Variants in METTL15 observed in about 807,000 individuals in gnomAD.
METTL15 encodes the protein 12S rRNA N(4)-cytidine methyltransferase METTL15.
In METTL15, 34 loss-of-function variants were observed where a neutral mutation model predicts 38.3. The ratio of observed to expected loss-of-function variants is 0.89; its 90% CI spans 0.68 to 1.18. The LOEUF is 1.18. Among genes scored for constraint, METTL15 ranks in the 50% most tolerant of loss-of-function variants. The pLI is 0.00. For missense variants in METTL15, 438 were observed against 498.4 expected, an observed-to-expected ratio of 0.88 and a Z score of 1.15; for synonymous variants, 162 against 170.9, an observed-to-expected ratio of 0.95 and a Z score of 0.41.
At chr11:28,274,953 A>ATG (rs1855785341) in intron 4 of METTL15, among the ~76,000 whole-genome samples, 3 of 151,482 alleles carry the variant, frequency 2.0e-5, no homozygotes, top group African/African-American at 7.2e-5. Flanking sequence ...ATATATATAT[A>ATG]ATTAAAGAAT....
At chr11:28,527,002 G>A (rs1851816831) in exon 8 of METTL15, 1 of 145,982 alleles carries the variant, frequency 6.9e-6, no homozygotes, top group South Asian at 2.1e-4. Context: ...AGCAGATGTG[G>A]ATTTTTTTTT....
At chr11:28,170,386 T>C (rs1423512826) in intron 3 of METTL15, among the ~76,000 whole-genome samples, 3 of 152,050 alleles carry the variant, frequency 2.0e-5, no homozygotes. Context: ...GGGATCTCAA[T>C]CCAGACCCCA....
chr11:28,529,179 C>T (rs1299933022), downstream of METTL15, among the ~76,000 whole-genome samples: 1 of 152,110 alleles, frequency 6.6e-6, no homozygotes, highest in Non-Finnish European at 1.5e-5. Context: ...CGACATGTCT[C>T]AGAAATCACA....
At chr11:28,244,025 G>A (rs1431314512) in intron 4 of METTL15, among the ~76,000 whole-genome samples, 1 of 152,126 alleles carries the variant, frequency 6.6e-6, no homozygotes, top group Non-Finnish European at 1.5e-5. Context: ...GGGACAGCTA[G>A]CTCAAAACAG....
intron 6 of METTL15, among the ~76,000 whole-genome samples, chr11:28,488,264 C>T (rs1851453932): frequency 6.6e-6 from 1 of 152,072 alleles, no homozygotes; most frequent in South Asian, 2.1e-4. Context: ...AAATTAAGCA[C>T]ACTTCATGAG....
intron 6 of METTL15, among the ~76,000 whole-genome samples, chr11:28,434,313 G>A (rs7947768): frequency 0.42 from 64,251 of 152,026 alleles, 14,983 homozygotes; most frequent in Admixed American, 0.54. Context: ...GCTGAACTGT[G>A]AGTCAATTAA....
At chr11:28,245,464 A>G (rs79725222) in intron 4 of METTL15, among the ~76,000 whole-genome samples, 4,129 of 152,218 alleles carry the variant, frequency 0.027, 182 homozygotes, top group African/African-American at 0.093. Context: ...TCATATCTTT[A>G]CAAAGCTTGA....
intron 3 of METTL15, among the ~76,000 whole-genome samples, chr11:28,124,309 A>G (rs927785301): frequency 2.6e-5 from 4 of 152,096 alleles, no homozygotes; most frequent in Non-Finnish European, 5.9e-5. Flanking sequence ...TTACTAGAGA[A>G]TAGATCACTA....
Position 28,330,291 on chromosome 11 carries a change from C to T in METTL15, c.779-105C>T, listed in dbSNP as rs1429498549. 5.0e-5 allele frequency: 51 copies of T among 1,022,222 alleles called. 2 individuals carry two copies. In the South Asian group the frequency reaches 8.6e-4, roughly 17 times the overall value. The allele number at this position is 1,022,222 out of a possible 1,614,324, so 63.3% of individuals were successfully genotyped here. ...GTGCCACCACAATTTTCTAAGAAAA[C>T]TTAGTTCACTAAATATGCACACAAC... On this transcript the variant is annotated intron_variant, in intron 6 of 6. Transcript: ENST00000407364.
chr11:28,426,410 A>G, intron 6 of METTL15, among the ~76,000 whole-genome samples: 1 of 152,008 alleles, frequency 6.6e-6, no homozygotes, highest in East Asian at 1.9e-4. Flanking sequence ...TTTATAATAG[A>G]ATGATTTATA....
At chr11:28,113,198 G>A in intron 2 of METTL15, 120 bp from the exon 3 acceptor site, 1 of 654,300 alleles carries the variant, frequency 1.5e-6, no homozygotes, top group Non-Finnish European at 2.6e-6. Context: ...AAGATGTTAG[G>A]ATCATGAGTC....
At position 28,253,422 on chromosome 11, in the gene METTL15, C is replaced by T. The variant is rs923549591; in HGVS notation, c.408-36784C>T. Among the ~76,000 whole-genome samples the T allele has an allele frequency of 6.7e-4, 102 of 152,198 alleles. 1 individual carries two copies. Among genetic ancestry groups the T allele is most frequent in the African/African-American group, 2.2e-3 (92 of 41,538 alleles). ...AGTACATCGTGGAGAATGGGGTATG[C>T]GTCCCCTCAAGCATTTATTCTTTGA... On this transcript the variant is annotated intron_variant, in intron 4 of 6. Transcript: ENST00000407364.
chr11:28,200,023 G>T (rs545895472), intron 3 of METTL15, among the ~76,000 whole-genome samples: 2 of 152,044 alleles, frequency 1.3e-5, no homozygotes, highest in Non-Finnish European at 2.9e-5. Flanking sequence ...TTTTTAAAGG[G>T]TTTATCATAG....
At chr11:28,346,414 AG>A (rs1204977761) in intron 3 of METTL15, among the ~76,000 whole-genome samples, 2 of 152,200 alleles carry the variant, frequency 1.3e-5, no homozygotes, top group Non-Finnish European at 2.9e-5. Flanking sequence ...AAATGCAATG[AG>A]TCATATTTTA....
At position 28,318,428 on chromosome 11, in the gene METTL15, T is replaced by G. The variant is rs907782903; in HGVS notation, c.779-11968T>G. Among the ~76,000 whole-genome samples the G allele has an allele frequency of 7.2e-5, 11 of 152,004 alleles. No homozygotes were observed. In the South Asian group the frequency reaches 1.9e-3, roughly 26 times the overall value. On this transcript the variant is annotated intron_variant, in intron 6 of 6. Coordinates refer to ENST00000407364, the MANE Select transcript of METTL15 (RefSeq NM_001113528.2). ...AAGACAGCACATTAGTGAGTATTAA[T>G]TGATGTAAAGTACAAGAAGAGGGAG... is the stretch of plus-strand genomic sequence containing the variant.
intron 6 of METTL15, among the ~76,000 whole-genome samples, chr11:28,313,581 C>G (rs1857379878): frequency 6.6e-6 from 1 of 151,900 alleles, no homozygotes; most frequent in Middle Eastern, 3.5e-3. Flanking sequence ...TACCATTGTA[C>G]AACTATAACA....
chr11:28,269,527 C>T (rs934427220), intron 4 of METTL15, among the ~76,000 whole-genome samples: 9 of 151,936 alleles, frequency 5.9e-5, no homozygotes, highest in African/African-American at 1.5e-4. Context: ...TTTATGGAAA[C>T]GAATTAACTG....
At chr11:28,401,535 T>C (rs1055874059) in intron 5 of METTL15, among the ~76,000 whole-genome samples, 10 of 151,980 alleles carry the variant, frequency 6.6e-5, no homozygotes, top group African/African-American at 2.4e-4. Flanking sequence ...TCTCATGTAT[T>C]TAACTTTTTT....
Position 28,308,819 on chromosome 11 carries a change from T to G in METTL15, c.778+11888T>G, listed in dbSNP as rs111792288. On this transcript the variant is annotated intron_variant, in intron 6 of 6. Transcript: ENST00000407364. ...CCATATGTGAGGCTGCATTGAAACTTCTTCATCACTAAAGTGTCTCCCCTT... is the reference window on the plus strand; with the variant it reads ...CCATATGTGAGGCTGCATTGAAACTGCTTCATCACTAAAGTGTCTCCCCTT... 6.6e-5 allele frequency among the ~76,000 whole-genome samples: 10 copies of G among 152,172 alleles called. 1 individual carries two copies. Among genetic ancestry groups the G allele is most frequent in the African/African-American group, 2.4e-4 (10 of 41,530 alleles).
Sources: gnomAD v4.1 joint callset for allele counts (sites outside exome capture counted in the v4.1 genomes callset) on GRCh38, gnomAD v4.1.1 for gene constraint, MANE v1.5 for transcripts, NCBI Gene and HGNC (gene_info 2026-07-23, HGNC 2026-07-21) for gene names.